The following PAMR1 variants were observed in gnomAD, a reference collection of about 807,000 sequenced individuals.
PAMR1 encodes peptidase domain containing associated with muscle regeneration 1.
PAMR1 carries 88 observed loss-of-function variants against 81.8 expected under a neutral mutation model. The ratio of observed to expected loss-of-function variants is 1.08; its 90% CI spans 0.91 to 1.28. The LOEUF (loss-of-function observed/expected upper bound fraction) is 1.28. Ranked by LOEUF, PAMR1 falls within the 50% of genes most tolerant of loss-of-function variation. The pLI, the probability that PAMR1 is intolerant of heterozygous loss-of-function variation, is 0.00. For missense variants in PAMR1, 935 were observed against 919.7 expected, an observed-to-expected ratio of 1.02 and a Z score of -0.21; for synonymous variants, 336 against 345.3, an observed-to-expected ratio of 0.97 and a Z score of 0.30.
chr11:35,503,088 A>G (rs529996637), intron 1 of PAMR1, among the ~76,000 whole-genome samples: 1 of 152,292 alleles, frequency 6.6e-6, no homozygotes, highest in East Asian at 1.9e-4. Flanking sequence ...TTTATTGAAG[A>G]GACTGTTCTT....
chr11:35,506,645 A>C (rs1850963655), intron 1 of PAMR1, among the ~76,000 whole-genome samples: 1 of 150,480 alleles, frequency 6.6e-6, no homozygotes, highest in African/African-American at 2.5e-5. Context: ...CCATGACCTG[A>C]GTGGTTTCCA....
chr11:35,521,522 T>C (rs1001496457), intron 1 of PAMR1, among the ~76,000 whole-genome samples: 3 of 152,192 alleles, frequency 2.0e-5, no homozygotes, highest in Non-Finnish European at 4.4e-5. Context: ...TTCAAAACAC[T>C]CTGAAGCACT....
chr11:35,523,885 G>A (rs184814798), intron 1 of PAMR1, among the ~76,000 whole-genome samples: 89 of 152,276 alleles, frequency 5.8e-4, no homozygotes, highest in African/African-American at 2.0e-3. Context: ...AGAGGTTCTC[G>A]GGTCAGAAAT....
At chr11:35,516,687 G>C (rs1039353644) in intron 1 of PAMR1, among the ~76,000 whole-genome samples, 1 of 152,172 alleles carries the variant, frequency 6.6e-6, no homozygotes, top group African/African-American at 2.4e-5. Flanking sequence ...CTGTCTCTAT[G>C]GGATACAGCC....
chr11:35,452,233 A>G (rs34162672), intron 6 of PAMR1, among the ~76,000 whole-genome samples: 58,313 of 152,026 alleles, frequency 0.38, 11,852 homozygotes, highest in African/African-American at 0.52. Flanking sequence ...AAAGCTCAGT[A>G]GATAAGTTTA....
At chr11:35,451,938 A>G (rs752501328) in intron 6 of PAMR1, 2 of 692,586 alleles carry the variant, frequency 2.9e-6, no homozygotes, top group South Asian at 3.1e-5. Context: ...AGCCTCCAGA[A>G]CTGTGAGAAA....
At chr11:35,457,360 C>T (rs540038121) in intron 6 of PAMR1, among the ~76,000 whole-genome samples, 24 of 152,198 alleles carry the variant, frequency 1.6e-4, no homozygotes, top group Admixed American at 1.3e-3. Flanking sequence ...CCTTCAGATG[C>T]TTACTGAAGT....
rs7129500 is a variant in PAMR1, at chr11:35,461,620, A to T, written c.820+6381T>A. Among the ~76,000 whole-genome samples the T allele has an allele frequency of 2.6e-5, 4 of 151,896 alleles. No individual in the cohort carries two copies. In the East Asian group the frequency reaches 7.7e-4, roughly 29 times the overall value. ...ACTTTTCCCCAAAATTAAAAAAAAA[A>T]ACACACATACACACCCACACACACA... On this transcript the variant is annotated intron_variant, in intron 6 of 10. Coordinates refer to ENST00000619888, the MANE Select transcript of PAMR1 (RefSeq NM_001001991.3).
chr11:35,502,667 T>C (rs1850871382), intron 1 of PAMR1, among the ~76,000 whole-genome samples: 1 of 152,110 alleles, frequency 6.6e-6, no homozygotes, highest in East Asian at 1.9e-4. Flanking sequence ...TCATTGATGG[T>C]TTTGCCCATT....
intron 6 of PAMR1, among the ~76,000 whole-genome samples, chr11:35,459,890 G>C (rs1856615446): frequency 1.3e-5 from 2 of 152,208 alleles, no homozygotes; most frequent in Non-Finnish European, 2.9e-5. Flanking sequence ...GTACCTCATA[G>C]ACACTCAAAA....
chr11:35,507,039 CTTTTTTTTTTTT>C (rs71044524), intron 1 of PAMR1, among the ~76,000 whole-genome samples: 3 of 86,862 alleles, frequency 3.5e-5, no homozygotes, highest in East Asian at 3.2e-4. Context: ...AATAGCCTGA[CTTTTTTTTTTTT>C]TTTTTTTTTT....
chr11:35,513,016 G>A (rs1851100791), intron 1 of PAMR1, among the ~76,000 whole-genome samples: 1 of 152,074 alleles, frequency 6.6e-6, no homozygotes, highest in Non-Finnish European at 1.5e-5. Context: ...AAAGGAAAGT[G>A]GCGAGCAGGA....
upstream of PAMR1, among the ~76,000 whole-genome samples, chr11:35,526,906 G>A (rs1431644018): frequency 2.6e-5 from 4 of 152,128 alleles, no homozygotes; most frequent in Admixed American, 6.5e-5. Flanking sequence ...AGATGTTGGC[G>A]GGCCCTGGTG....
At chr11:35,510,376 T>G (rs921685634) in intron 1 of PAMR1, among the ~76,000 whole-genome samples, 1 of 152,202 alleles carries the variant, frequency 6.6e-6, no homozygotes, top group Non-Finnish European at 1.5e-5. Flanking sequence ...TCTAATGACA[T>G]GTACCCACCA....
chr11:35,516,706 A>T (rs761329303), intron 1 of PAMR1, among the ~76,000 whole-genome samples: 3 of 152,346 alleles, frequency 2.0e-5, no homozygotes, highest in Non-Finnish European at 4.4e-5. Context: ...CCCCAGTGTA[A>T]ACAGACAGAC....
intron 1 of PAMR1, among the ~76,000 whole-genome samples, chr11:35,495,728 C>G (rs1042866868): frequency 2.0e-5 from 3 of 152,152 alleles, no homozygotes; most frequent in Non-Finnish European, 4.4e-5. Flanking sequence ...ATAGTTTCCT[C>G]CCCAAATTAG....
intron 3 of PAMR1, among the ~76,000 whole-genome samples, chr11:35,484,135 AC>A: frequency 6.6e-6 from 1 of 152,336 alleles, no homozygotes; most frequent in Admixed American, 6.5e-5. Context: ...TTTATTGAGC[AC>A]TTACTATATA....
intron 6 of PAMR1, among the ~76,000 whole-genome samples, chr11:35,442,854 T>C (rs1172759426): frequency 6.6e-6 from 1 of 152,144 alleles, no homozygotes; most frequent in Non-Finnish European, 1.5e-5. Flanking sequence ...CCTCCCACCT[T>C]GGCCTCCCAA....
At chr11:35,473,320 A>G (rs1190539639) in intron 4 of PAMR1, among the ~76,000 whole-genome samples, 12 of 152,186 alleles carry the variant, frequency 7.9e-5, no homozygotes, top group Admixed American at 7.9e-4. Context: ...GGCAGCTAAT[A>G]TGCTTCTCAA....
Sources: gnomAD v4.1 joint callset for allele counts (sites outside exome capture counted in the v4.1 genomes callset) on GRCh38, gnomAD v4.1.1 for gene constraint, MANE v1.5 for transcripts, NCBI Gene and HGNC (gene_info 2026-07-23, HGNC 2026-07-21) for gene names.